The following METTL24 variants were observed in gnomAD, a reference collection of about 807,000 sequenced individuals.
METTL24 encodes the protein methyltransferase like 24, also known as probable methyltransferase-like protein 24.
A neutral mutation model predicts 32.7 loss-of-function variants in METTL24; 29 were observed. The ratio of observed to expected loss-of-function variants is 0.89; its 90% CI spans 0.66 to 1.21. METTL24 has a LOEUF of 1.21. Ranked by LOEUF, METTL24 falls within the 50% of genes most tolerant of loss-of-function variation. The pLI is 0.00. For missense variants in METTL24, 439 were observed against 468.1 expected (o/e 0.94, Z 0.57); for synonymous variants, 163 against 179.5 (o/e 0.91, Z 0.73).
intron 4 of METTL24, among the ~76,000 whole-genome samples, chr6:110,260,394 G>A (rs1778471297): frequency 6.6e-6 from 1 of 152,126 alleles, no homozygotes; most frequent in African/African-American, 2.4e-5. Flanking sequence ...ATGAAATGAA[G>A]CGAGAAGAGA....
At chr6:110,279,249 GTGTT>G (rs1771097786) in intron 4 of METTL24, among the ~76,000 whole-genome samples, 1 of 152,150 alleles carries the variant, frequency 6.6e-6, no homozygotes. Context: ...AAATTTCAAA[GTGTT>G]TGGTATAAAT....
chr6:110,337,842 A>G (rs1271380968), intron 1 of METTL24, among the ~76,000 whole-genome samples: 19 of 152,226 alleles, frequency 1.2e-4, no homozygotes, highest in African/African-American at 3.9e-4. Context: ...AAAATAGACC[A>G]TGCAAAGCAG....
In METTL24 at chr6:110,268,604, T is replaced by A. The variant is rs60790640; in HGVS notation, c.787-22344A>T. Among the ~76,000 whole-genome samples the A allele has an allele frequency of 3.3e-5, 5 of 152,304 alleles. No individual in the cohort carries two copies. The East Asian group carries it at 9.6e-4, about 29-fold the overall frequency. ...CAAGACACACACATTTCAGCAGTTG[T>A]AGCTCACTACATCATCAGAACTAGT... On this transcript the variant is annotated intron_variant, in intron 4 of 4. Coordinates refer to ENST00000338882, the MANE Select transcript of METTL24 (RefSeq NM_001123364.3).
At chr6:110,281,150 T>C (rs1771128774) in intron 4 of METTL24, among the ~76,000 whole-genome samples, 1 of 152,148 alleles carries the variant, frequency 6.6e-6, no homozygotes, top group Non-Finnish European at 1.5e-5. Flanking sequence ...ACTTGAAAGA[T>C]GGGTGACTTT....
intron 1 of METTL24, among the ~76,000 whole-genome samples, chr6:110,334,032 A>G (rs1025245697): frequency 2.6e-5 from 4 of 150,998 alleles, no homozygotes; most frequent in African/African-American, 9.7e-5. Context: ...CTATAAGTAA[A>G]TAAGCCAGAC....
intron 1 of METTL24, chr6:110,357,371 G>T (rs1345288370): frequency 1.3e-5 from 2 of 152,182 alleles, no homozygotes; most frequent in Non-Finnish European, 1.5e-5. Context: ...TTCTCATTAA[G>T]TGGGGCTGGG....
chr6:110,292,114 C>A (rs1771331793), intron 4 of METTL24, among the ~76,000 whole-genome samples: 1 of 152,162 alleles, frequency 6.6e-6, no homozygotes, highest in South Asian at 2.1e-4. Context: ...AAAAGATATA[C>A]AATTCTCCAT....
chr6:110,299,665 A>T lies in METTL24; in HGVS notation c.558-515T>A, dbSNP rs370352576. Among the ~76,000 whole-genome samples the T allele has an allele frequency of 3.0e-4, 45 of 152,324 alleles. 2 individuals carry two copies. The South Asian group carries it at 9.1e-3, about 31-fold the overall frequency. On this transcript the variant is annotated intron_variant, in intron 3 of 4. Coordinates refer to ENST00000338882, the MANE Select transcript of METTL24 (RefSeq NM_001123364.3). Reference sequence around the variant, plus strand: ...TTTTAAATAGTGCAAATAAGAAAAAAGGCAAATGTATGTGATTCTACTGCA... The same window carrying T: ...TTTTAAATAGTGCAAATAAGAAAAATGGCAAATGTATGTGATTCTACTGCA...
At chr6:110,337,588 A>G (rs1206834310) in intron 1 of METTL24, among the ~76,000 whole-genome samples, 3 of 152,200 alleles carry the variant, frequency 2.0e-5, no homozygotes, top group Non-Finnish European at 4.4e-5. Flanking sequence ...AGAAAAGTAT[A>G]ACCAAGGACA....
chr6:110,353,805 TATAAGAG>T (rs1440601041), intron 1 of METTL24, among the ~76,000 whole-genome samples: 2 of 152,132 alleles, frequency 1.3e-5, no homozygotes, highest in African/African-American at 4.8e-5. Context: ...ATTGCCAACC[TATAAGAG>T]ATAAAACATC....
intron 4 of METTL24, chr6:110,253,765 AACAC>A (rs1313366366): frequency 4.0e-5 from 30 of 751,688 alleles, no homozygotes; most frequent in Non-Finnish European, 5.7e-5. Context: ...GCATAACTGA[AACAC>A]ACATTTTCTA....
chr6:110,354,756 T>C (rs1772673236), intron 1 of METTL24, among the ~76,000 whole-genome samples: 1 of 152,186 alleles, frequency 6.6e-6, no homozygotes, highest in Non-Finnish European at 1.5e-5. Flanking sequence ...TTCTATAGTT[T>C]TAAGGAATAT....
At chr6:110,255,986 C>T (rs570679162) in intron 4 of METTL24, among the ~76,000 whole-genome samples, 8 of 152,014 alleles carry the variant, frequency 5.3e-5, no homozygotes, top group South Asian at 4.2e-4. Flanking sequence ...ACAAAACAAA[C>T]GCATTTGGTA....
chr6:110,352,268 A>C (rs1439081980), intron 1 of METTL24, among the ~76,000 whole-genome samples: 1 of 152,232 alleles, frequency 6.6e-6, no homozygotes, highest in East Asian at 1.9e-4. Context: ...ATAATTGCTA[A>C]TTTTAACAAC....
intron 4 of METTL24, among the ~76,000 whole-genome samples, chr6:110,259,713 C>A (rs7774900): frequency 0.072 from 10,926 of 152,234 alleles, 582 homozygotes; most frequent in African/African-American, 0.16. Flanking sequence ...GGGAGGCATC[C>A]CCCAGTAGGG....
Position 110,276,205 on chromosome 6 carries a change from C to G in METTL24, c.786+22717G>C, listed in dbSNP as rs976247905. On this transcript the variant is annotated intron_variant, in intron 4 of 4. Coordinates refer to ENST00000338882, the MANE Select transcript of METTL24 (RefSeq NM_001123364.3). Reference sequence around the variant, plus strand: ...CCCAGCACTTTAAGAGGCCAAGGCCCAAGGATTGCATAAGGCCAGGAGTTT... The same window carrying G: ...CCCAGCACTTTAAGAGGCCAAGGCCGAAGGATTGCATAAGGCCAGGAGTTT... Among the ~76,000 whole-genome samples the G allele has an allele frequency of 5.3e-5, 8 of 152,202 alleles. No individual in the cohort carries two copies. In the South Asian group the frequency reaches 1.7e-3, roughly 32 times the overall value.
intron 4 of METTL24, among the ~76,000 whole-genome samples, chr6:110,277,218 T>C (rs1771063085): frequency 6.6e-6 from 1 of 152,142 alleles, no homozygotes; most frequent in African/African-American, 2.4e-5. Context: ...TCTCATGAGA[T>C]TCGTTGCTAT....
intron 4 of METTL24, among the ~76,000 whole-genome samples, chr6:110,262,887 G>T (rs1770769074): frequency 6.6e-6 from 1 of 152,156 alleles, no homozygotes; most frequent in South Asian, 2.1e-4. Flanking sequence ...TATCTCAATA[G>T]ATGCAGAAAA....
At chr6:110,252,100 C>T (rs930925986) in intron 4 of METTL24, among the ~76,000 whole-genome samples, 1 of 152,022 alleles carries the variant, frequency 6.6e-6, no homozygotes, top group African/African-American at 2.4e-5. Flanking sequence ...GCTGAGATGG[C>T]GCCATGATAC....
Sources: gnomAD v4.1 joint callset for allele counts (sites outside exome capture counted in the v4.1 genomes callset) on GRCh38, gnomAD v4.1.1 for gene constraint, MANE v1.5 for transcripts, NCBI Gene and HGNC (gene_info 2026-07-23, HGNC 2026-07-21) for gene names.